Variants in TRIM67 observed in about 807,000 individuals in gnomAD.
TRIM67 encodes the protein tripartite motif-containing protein 67.
A neutral mutation model predicts 71.0 loss-of-function variants in TRIM67; 39 were observed. The ratio of observed to expected loss-of-function variants is 0.55; its 90% CI spans 0.43 to 0.72. The LOEUF is 0.72. Among genes scored for constraint, TRIM67 ranks in the 30% least tolerant of loss-of-function variants. The pLI, the probability that TRIM67 is intolerant of heterozygous loss-of-function variation, is 0.00. For missense variants in TRIM67, 973 were observed against 1,079.2 expected, an observed-to-expected ratio of 0.90 and a Z score of 1.38; for synonymous variants, 481 against 473.9, an observed-to-expected ratio of 1.01 and a Z score of -0.19.
Position 231,162,996 on chromosome 1 carries a change from G to A in TRIM67, c.27G>A (p.Val9=). The stretch of plus-strand genomic sequence containing the variant: ...TGGAGGAAGAGCTGAAGTGTCCCGT[G>A]TGCGGCTCTCTGTTTCGGGAGCCTA... The part of the protein sequence containing the change: MEEELKCP[V]CGSLFREPII... The change falls in exon 1 of 10, where the codon GTG becomes GTA. Residue 9 remains valine, a synonymous_variant. Transcript: ENST00000366653. 1.2e-6 allele frequency: 2 copies of A among 1,612,752 alleles called. No individual in the cohort carries two copies. Among genetic ancestry groups the A allele is most frequent in the South Asian group, 1.1e-5 (1 of 90,908 alleles).
intron 1 of TRIM67, among the ~76,000 whole-genome samples, chr1:231,191,383 T>G (rs929316383): frequency 2.0e-5 from 3 of 152,220 alleles, no homozygotes; most frequent in Non-Finnish European, 4.4e-5. Flanking sequence ...ATCTTTATTC[T>G]GGTTACTGGG....
chr1:231,216,212 C>T lies in TRIM67; in HGVS notation c.*772C>T. 1.0e-6 allele frequency: 1 copy of T among 956,880 alleles called. No homozygotes were observed. Among genetic ancestry groups the T allele is most frequent in the Non-Finnish European group, 1.2e-6 (1 of 804,610 alleles). 59.3% of individuals were successfully genotyped at this position (956,880 alleles called of 1,614,324 possible). On this transcript the variant is annotated 3_prime_UTR_variant, in exon 10 of 10. Transcript: ENST00000366653. ...TCCTTTGCTCTCTCTTTCTTCCTTT[C>T]CTCCTTCTCTCTTACTTTCCTCCAT...
chr1:231,213,936 G>A lies in TRIM67; in HGVS notation c.2245G>A (p.Gly749Arg), dbSNP rs773851771. 6 of 1,613,412 alleles carry A rather than the reference G, an allele frequency of 3.7e-6. No homozygotes were observed. The highest frequency in any genetic ancestry group is 2.2e-5 in the East Asian group (1 of 44,874). ...CCCCACAGCCTTCAGCCACGTGGAC[G>A]GGGTCTTCATGCCAGCCCTCAGCCT... ...QGPTAFSHVDGVFMPALSLNR... is the reference protein window; with the variant it reads ...QGPTAFSHVDRVFMPALSLNR... Residue 749 changes from glycine to arginine, a missense_variant, in exon 9 of 10, where the codon GGG becomes AGG. This residue lies in a region of TRIM67 where 178 missense variants were observed against 247.9 expected (regional missense o/e 0.72). Coordinates refer to ENST00000366653, the MANE Select transcript of TRIM67 (RefSeq NM_001004342.5).
chr1:231,198,687 G>A (rs1212880766), intron 2 of TRIM67, among the ~76,000 whole-genome samples: 1 of 152,028 alleles, frequency 6.6e-6, no homozygotes, highest in African/African-American at 2.4e-5. Flanking sequence ...CGCCGGGCCT[G>A]TTCTATTACT....
At chr1:231,205,524 G>A (rs1447415853) in intron 6 of TRIM67, among the ~76,000 whole-genome samples, 1 of 152,090 alleles carries the variant, frequency 6.6e-6, no homozygotes, top group East Asian at 1.9e-4. Flanking sequence ...TCAGGAGTTT[G>A]AGACCAGCCT....
chr1:231,186,656 C>T (rs1166741365), intron 1 of TRIM67, among the ~76,000 whole-genome samples: 4 of 152,124 alleles, frequency 2.6e-5, no homozygotes, highest in African/African-American at 9.7e-5. Flanking sequence ...TAGGGCCCAC[C>T]CTAATGACCT....
intron 1 of TRIM67, among the ~76,000 whole-genome samples, chr1:231,167,928 C>G (rs1235295710): frequency 6.6e-6 from 1 of 151,788 alleles, no homozygotes; most frequent in Non-Finnish European, 1.5e-5. Context: ...GCACTGTGAT[C>G]ACAGGTAAAA....
intron 5 of TRIM67, among the ~76,000 whole-genome samples, chr1:231,202,153 C>CTGAGATAATGGAGAA (rs1683559017): frequency 4.4e-4 from 1 of 2,248 alleles, no homozygotes; most frequent in Non-Finnish European, 1.0e-3. Flanking sequence ...GAAGAGGTAG[C>CTGAGATAATGGAGAA]GGAGGAGGAG....
In TRIM67 at chr1:231,216,373, A is replaced by T. The variant is rs1684014159; in HGVS notation, c.*933A>T. ...TCTTAAATCCACGTGAAAACACAAG[A>T]ATTTTAACAACTATGTCATAGGTCT... On this transcript the variant is annotated 3_prime_UTR_variant, in exon 10 of 10. Transcript: ENST00000366653. 7 of 985,444 alleles carry T rather than the reference A, an allele frequency of 7.1e-6. No homozygotes were observed. The highest frequency in any genetic ancestry group is 8.4e-6 in the Non-Finnish European group (7 of 829,922). 61.0% of individuals were successfully genotyped at this position (985,444 alleles called of 1,614,324 possible).
intron 2 of TRIM67, among the ~76,000 whole-genome samples, chr1:231,197,846 GA>G (rs886544440): frequency 6.6e-6 from 1 of 150,922 alleles, no homozygotes; most frequent in Non-Finnish European, 1.5e-5. Flanking sequence ...AGAAGAAGAA[GA>G]AGAAGGAGAA....
At position 231,216,856 on chromosome 1, in the gene TRIM67, C is replaced by T. The variant is rs1684026353; in HGVS notation, c.*1416C>T. 3 of 985,422 alleles carry T rather than the reference C, an allele frequency of 3.0e-6. No individual in the cohort carries two copies. Among genetic ancestry groups the T allele is most frequent in the Non-Finnish European group, 3.6e-6 (3 of 829,850 alleles). The allele number at this position is 985,422 out of a possible 1,614,324, so 61.0% of individuals were successfully genotyped here. A position where few individuals can be genotyped will look rare whatever the true frequency, so the allele number is the denominator to read the frequency against. On this transcript the variant is annotated 3_prime_UTR_variant, in exon 10 of 10. Transcript: ENST00000366653. ...TTCCCAGGGAACCCTTCCTCTCCTC[C>T]CTCCTCTCATCTTCCCAGTCACCTG...
chr1:231,203,512 G>A (rs1400206182), intron 5 of TRIM67, among the ~76,000 whole-genome samples: 1 of 152,188 alleles, frequency 6.6e-6, no homozygotes, highest in Non-Finnish European at 1.5e-5. Flanking sequence ...CTGTTGATGC[G>A]TTCCTCATGA....
rs763159661 is a variant in TRIM67 at position 231,201,402 on chromosome 1, G to C, written c.1419G>C (p.Gln473His). 2 of 1,613,434 alleles carry C rather than the reference G, an allele frequency of 1.2e-6. No homozygotes were observed. The highest frequency in any genetic ancestry group is 2.7e-5 in the African/African-American group (2 of 74,918). Residue 473 changes from glutamine to histidine, a missense_variant, in exon 5 of 10, where the codon CAG becomes CAC. Transcript: ENST00000366653. ...LIKRVQVSQE[Q>H]WVKGALEPKV... Reference sequence around the variant, plus strand: ...AGCGCGTCCAGGTGTCTCAGGAGCAGTGGGTCAAAGGCGCCCTGGAGCCGA... The same window carrying C: ...AGCGCGTCCAGGTGTCTCAGGAGCACTGGGTCAAAGGCGCCCTGGAGCCGA...
intron 1 of TRIM67, among the ~76,000 whole-genome samples, chr1:231,192,292 A>G (rs1395502222): frequency 6.6e-6 from 1 of 152,148 alleles, no homozygotes; most frequent in African/African-American, 2.4e-5. Context: ...AGCTGAGACT[A>G]GAGGCACATG....
At chr1:231,198,822 T>C (rs1683443155) in intron 2 of TRIM67, among the ~76,000 whole-genome samples, 1 of 152,222 alleles carries the variant, frequency 6.6e-6, no homozygotes, top group Non-Finnish European at 1.5e-5. Context: ...AAGTGCCCTA[T>C]GAACAAGATT....
rs762803952 is a variant in TRIM67 at position 231,209,061 on chromosome 1, C to T, written c.1934C>T (p.Ala645Val). 1.4e-5 allele frequency: 22 copies of T among 1,613,786 alleles called. No individual in the cohort carries two copies. The Admixed American group carries it at 2.0e-4, about 15-fold the overall frequency. The change falls in exon 8 of 10, where the codon GCG becomes GTG. Residue 645 changes from alanine (A) to valine (V), a missense_variant. Around this residue, in one of 2 missense-constraint regions of TRIM67, gnomAD observed 178 missense variants for 247.9 expected, o/e 0.72. Coordinates refer to ENST00000366653, the MANE Select transcript of TRIM67 (RefSeq NM_001004342.5). The surrounding 1 kb of genome is among the most constrained non-coding windows in gnomAD (Gnocchi z 4.1). ...YDDRVVLGTA[A>V]FSKGVHYWEL... Reference sequence around the variant, plus strand: ...GACCGGGTGGTGCTGGGCACAGCTGCGTTCTCCAAGGGCGTGCACTACTGG... The same window carrying T: ...GACCGGGTGGTGCTGGGCACAGCTGTGTTCTCCAAGGGCGTGCACTACTGG...
intron 1 of TRIM67, among the ~76,000 whole-genome samples, 178 bp downstream of exon 1, chr1:231,164,191 C>T (rs932927360): frequency 1.3e-5 from 2 of 152,216 alleles, no homozygotes; most frequent in African/African-American, 2.4e-5. Flanking sequence ...AAGGGACTCC[C>T]GGTACTTTGG....
chr1:231,203,402 C>T (rs1479105730), intron 5 of TRIM67, among the ~76,000 whole-genome samples: 4 of 152,258 alleles, frequency 2.6e-5, no homozygotes, highest in Non-Finnish European at 5.9e-5. Flanking sequence ...TTCCCAGTTC[C>T]AGGCATGAGC....
intron 4 of TRIM67, among the ~76,000 whole-genome samples, chr1:231,201,093 A>C (rs1683507482): frequency 6.6e-6 from 1 of 152,224 alleles, no homozygotes; most frequent in South Asian, 2.1e-4. Flanking sequence ...ATTTCTCAGT[A>C]GTGTTTGCGG....
Sources: gnomAD v4.1 joint callset for allele counts (sites outside exome capture counted in the v4.1 genomes callset) on GRCh38, gnomAD v4.1.1 for gene constraint, gnomAD v4.1.1 regional missense constraint, Gnocchi (gnomAD v3.1) non-coding constraint, MANE v1.5 for transcripts, NCBI Gene and HGNC (gene_info 2026-07-23, HGNC 2026-07-21) for gene names.